TPRG1: variants seen among roughly 807,000 people sequenced by gnomAD.
TPRG1 encodes the protein tumor protein p63-regulated gene 1 protein.
A neutral mutation model predicts 29.3 loss-of-function variants in TPRG1; 29 were observed. The observed-to-expected ratio is 0.99, with a 90% CI of 0.74 to 1.35. The LOEUF (loss-of-function observed/expected upper bound fraction) is 1.35. TPRG1 is among the 40% of genes most tolerant of loss of function. The pLI is 0.00. For synonymous variants in TPRG1, 130 were observed against 116.8 expected (o/e 1.11, Z -0.73); for missense variants, 327 against 335.0 (o/e 0.98, Z 0.19).
intron 4 of TPRG1, among the ~76,000 whole-genome samples, chr3:189,036,000 G>A (rs1560407287): frequency 6.6e-6 from 1 of 151,948 alleles, no homozygotes. Flanking sequence ...ATTCACAATA[G>A]GAAAGACATG....
intron 4 of TPRG1, among the ~76,000 whole-genome samples, chr3:189,243,451 A>G (rs1388836580): frequency 1.3e-5 from 2 of 152,160 alleles, no homozygotes; most frequent in African/African-American, 4.8e-5. Context: ...AATGCCTGTG[A>G]GTTGTTTTCC....
intron 1 of TPRG1, among the ~76,000 whole-genome samples, chr3:189,181,530 T>G (rs1730222882): frequency 2.0e-5 from 3 of 152,200 alleles, no homozygotes; most frequent in Admixed American, 2.0e-4. Context: ...AACCAGTCTC[T>G]TTGCTAAAAC....
At chr3:189,285,196 C>CT (rs1400262274) in intron 4 of TPRG1, among the ~76,000 whole-genome samples, 3 of 152,188 alleles carry the variant, frequency 2.0e-5, no homozygotes, top group African/African-American at 7.2e-5. Context: ...AAAATGCTCA[C>CT]TTTTTCTTAA....
At chr3:189,215,524 C>G (rs1482107558) in intron 3 of TPRG1, 141 bp downstream of exon 3, 7 of 748,894 alleles carry the variant, frequency 9.3e-6, no homozygotes, top group Non-Finnish European at 1.5e-5. Flanking sequence ...AGGTTAGTCA[C>G]ATTTTCCAGC....
intron 4 of TPRG1, among the ~76,000 whole-genome samples, chr3:189,276,489 T>G (rs73889163): frequency 6.6e-6 from 1 of 152,164 alleles, no homozygotes; most frequent in African/African-American, 2.4e-5. Context: ...TCCCATAAAA[T>G]TGAGTTGTGA....
chr3:189,046,481 T>C (rs527403563), intron 4 of TPRG1, among the ~76,000 whole-genome samples: 2 of 152,246 alleles, frequency 1.3e-5, no homozygotes, highest in East Asian at 1.9e-4. Context: ...GCTTGAGATA[T>C]AGGGAATAAT....
rs1725567933 is a variant in TPRG1 at position 189,148,737 on chromosome 3, G to A, written c.-227+1090G>A. Among the ~76,000 whole-genome samples the A allele has an allele frequency of 2.0e-5, 3 of 152,200 alleles. No individual in the cohort carries two copies. The South Asian group carries it at 6.2e-4, about 32-fold the overall frequency. ...TCAGATTTGGGTGGTAAAGCAATAT[G>A]AAAAACAAGTGTCGGTACACACGCT... On this transcript the variant is annotated intron_variant, in intron 4 of 6. Transcript: ENST00000412373.
At chr3:189,103,428 AGAG>A (rs1719436554) in intron 1 of TPRG1, among the ~76,000 whole-genome samples, 1 of 152,174 alleles carries the variant, frequency 6.6e-6, no homozygotes, top group Non-Finnish European at 1.5e-5. Context: ...AAGATCTTGC[AGAG>A]GAGGAGTGTC....
At chr3:189,232,108 T>C (rs1738760331) in intron 3 of TPRG1, among the ~76,000 whole-genome samples, 1 of 152,098 alleles carries the variant, frequency 6.6e-6, no homozygotes, top group South Asian at 2.1e-4. Context: ...ACTGGAACAA[T>C]ATGATGGAAC....
At chr3:189,074,815 CTT>C (rs11285539) in intron 4 of TPRG1, among the ~76,000 whole-genome samples, 2 of 147,716 alleles carry the variant, frequency 1.4e-5, no homozygotes, top group African/African-American at 2.5e-5. Flanking sequence ...GTCAGCCTAC[CTT>C]TTTTTTTTTC....
intron 2 of TPRG1, among the ~76,000 whole-genome samples, chr3:189,208,142 G>T (rs1024189602): frequency 6.9e-4 from 105 of 152,224 alleles, no homozygotes; most frequent in Admixed American, 6.9e-3. Context: ...AAATGGATGG[G>T]TAAGTAAGCA....
chr3:189,283,935 A>G (rs1461662400), intron 4 of TPRG1, among the ~76,000 whole-genome samples: 1 of 152,186 alleles, frequency 6.6e-6, no homozygotes, highest in Non-Finnish European at 1.5e-5. Context: ...TTACTTTGCC[A>G]TTTTTATGTT....
At chr3:189,251,060 C>CCTCTT (rs1742169022) in intron 4 of TPRG1, among the ~76,000 whole-genome samples, 2 of 151,800 alleles carry the variant, frequency 1.3e-5, no homozygotes, top group African/African-American at 4.8e-5. Flanking sequence ...CCTCTCTTCC[C>CCTCTT]CTCTTCTCTT....
chr3:189,231,290 A>ATATATATATG, intron 3 of TPRG1, among the ~76,000 whole-genome samples: 1 of 150,654 alleles, frequency 6.6e-6, no homozygotes, highest in Non-Finnish European at 1.5e-5. Context: ...ATATATGCAC[A>ATATATATATG]CACACATACA....
At chr3:189,160,343 T>G (rs959770808) in intron 5 of TPRG1, among the ~76,000 whole-genome samples, 4 of 152,124 alleles carry the variant, frequency 2.6e-5, no homozygotes, top group Non-Finnish European at 4.4e-5. Flanking sequence ...TGAAGATAAT[T>G]TTTTGGCTGG....
intron 1 of TPRG1, among the ~76,000 whole-genome samples, chr3:189,198,341 C>T (rs1426362899): frequency 1.3e-5 from 2 of 152,184 alleles, no homozygotes; most frequent in Non-Finnish European, 2.9e-5. Context: ...GTTTTGTGCA[C>T]ATACTCCTAT....
chr3:189,205,840 A>G (rs1455877725), intron 1 of TPRG1, among the ~76,000 whole-genome samples: 1 of 152,216 alleles, frequency 6.6e-6, no homozygotes, highest in Non-Finnish European at 1.5e-5. Context: ...ACCATGTGTG[A>G]TCATTACTAG....
intron 3 of TPRG1, among the ~76,000 whole-genome samples, chr3:189,229,145 C>T (rs1481834730): frequency 6.6e-6 from 1 of 152,076 alleles, no homozygotes; most frequent in Non-Finnish European, 1.5e-5. Context: ...AAGAGGCATA[C>T]CGGGTTTGTA....
At chr3:189,031,308 A>T (rs1306981173) in intron 4 of TPRG1, among the ~76,000 whole-genome samples, 1 of 150,936 alleles carries the variant, frequency 6.6e-6, no homozygotes, top group Non-Finnish European at 1.5e-5. Context: ...AAAAAGAAAA[A>T]TTAAAAGGGA....
Sources: gnomAD v4.1 joint callset for allele counts (sites outside exome capture counted in the v4.1 genomes callset) on GRCh38, gnomAD v4.1.1 for gene constraint, MANE v1.5 for transcripts, NCBI Gene and HGNC (gene_info 2026-07-23, HGNC 2026-07-21) for gene names.